ACACA: variants seen among roughly 807,000 people sequenced by gnomAD.
ACACA encodes acetyl-CoA carboxylase 1.
ACACA carries 103 observed loss-of-function variants against 296.1 expected under a neutral mutation model. That is an observed-to-expected ratio of 0.35 (90% CI 0.30 to 0.41). ACACA has a LOEUF of 0.41. Ranked by LOEUF, ACACA falls within the 10% of genes least tolerant of loss-of-function variation. The probability of loss-of-function intolerance (pLI) is 1.00; values close to 1 mark genes in which losing one functional copy is unlikely to be tolerated. For synonymous variants in ACACA, 953 were observed against 1,038.6 expected, an observed-to-expected ratio of 0.92 and a Z score of 1.58; for missense variants, 1,554 against 2,989.7, an observed-to-expected ratio of 0.52 and a Z score of 11.20.
chr17:37,220,523 C>T (rs935614166), intron 29 of ACACA, among the ~76,000 whole-genome samples: 3 of 152,174 alleles, frequency 2.0e-5, no homozygotes, highest in Non-Finnish European at 1.5e-5. Flanking sequence ...TACTTCGCCG[C>T]TCACTGAAGG....
At chr17:37,092,285 AAAAG>A (rs1482727510) in intron 54 of ACACA, among the ~76,000 whole-genome samples, 1 of 151,840 alleles carries the variant, frequency 6.6e-6, no homozygotes, top group Admixed American at 6.6e-5. Flanking sequence ...AAAAAAAAAA[AAAAG>A]AAAATGTGGC....
intron 1 of ACACA, chr17:37,359,077 CGGCTCGGGCGAT>C (rs2049282621): frequency 3.0e-6 from 3 of 985,874 alleles, no homozygotes; most frequent in Non-Finnish European, 3.6e-6. Context: ...GAGACGCCGG[CGGCTCGGGCGAT>C]GGCTGACAGG....
intron 2 of ACACA, among the ~76,000 whole-genome samples, chr17:37,337,167 A>T (rs1382991104): frequency 6.6e-6 from 1 of 152,210 alleles, no homozygotes; most frequent in African/African-American, 2.4e-5. Context: ...TAAAACAGTA[A>T]TTAACAAATT....
chr17:37,345,693 A>C (rs1192490488), intron 1 of ACACA, among the ~76,000 whole-genome samples: 4 of 152,236 alleles, frequency 2.6e-5, no homozygotes, highest in Non-Finnish European at 5.9e-5. Flanking sequence ...TTTTCCCAAA[A>C]AACCCATAAC....
At chr17:37,218,147 CAA>C (rs60487601) in intron 29 of ACACA, among the ~76,000 whole-genome samples, 2 of 116,626 alleles carry the variant, frequency 1.7e-5, no homozygotes. Context: ...CTACCAGTAA[CAA>C]AAAAAAAAAA....
At chr17:37,165,455 T>C (rs544604635) in intron 41 of ACACA, among the ~76,000 whole-genome samples, 2 of 152,092 alleles carry the variant, frequency 1.3e-5, no homozygotes, top group South Asian at 4.2e-4. Flanking sequence ...ATTAAGAAAA[T>C]AATACCCATG....
At chr17:37,126,399 G>A (rs1442577003) in intron 47 of ACACA, among the ~76,000 whole-genome samples, 1 of 152,068 alleles carries the variant, frequency 6.6e-6, no homozygotes, top group Non-Finnish European at 1.5e-5. Flanking sequence ...TTGACAGATA[G>A]TAAAAATACA....
rs566025842 is a variant in ACACA at position 37,345,937 on chromosome 17, G to C, written c.39-6087C>G. On this transcript the variant is annotated intron_variant, in intron 1 of 55. Coordinates refer to ENST00000616317, the MANE Select transcript of ACACA (RefSeq NM_198834.3). ...AAAAAAGAAAAGCTACAGAAGGCCAGCATGGTGGCTCATGCCTGTAATCTC... is the reference window on the plus strand; with the variant it reads ...AAAAAAGAAAAGCTACAGAAGGCCACCATGGTGGCTCATGCCTGTAATCTC... 2.0e-5 allele frequency among the ~76,000 whole-genome samples: 3 copies of C among 152,238 alleles called. No homozygotes were observed. In the East Asian group the frequency reaches 5.8e-4, roughly 29 times the overall value.
At chr17:37,367,336 G>C (rs2946342) in intron 1 of ACACA, among the ~76,000 whole-genome samples, 25,175 of 152,002 alleles carry the variant, frequency 0.17, 2,757 homozygotes, top group Admixed American at 0.33. Context: ...CATAGTTTTG[G>C]GGGTGAATAC....
At chr17:37,289,093 T>C (rs191102345) in intron 3 of ACACA, among the ~76,000 whole-genome samples, 6 of 151,590 alleles carry the variant, frequency 4.0e-5, no homozygotes, top group African/African-American at 1.5e-4. Flanking sequence ...TGAAACCCCG[T>C]CTCTACTAAA....
chr17:37,271,258 G>C (rs2082055268), intron 9 of ACACA, among the ~76,000 whole-genome samples: 1 of 152,234 alleles, frequency 6.6e-6, no homozygotes, highest in Admixed American at 6.5e-5. Context: ...GCTAACGCCT[G>C]TAATCACAGC....
chr17:37,300,529 T>A (rs537193231), intron 3 of ACACA, among the ~76,000 whole-genome samples: 1 of 152,094 alleles, frequency 6.6e-6, no homozygotes, highest in Non-Finnish European at 1.5e-5. Flanking sequence ...ATAGAAATAG[T>A]TAACAATCTG....
chr17:37,315,196 G>A (rs1022816895), intron 3 of ACACA, among the ~76,000 whole-genome samples: 10 of 152,044 alleles, frequency 6.6e-5, no homozygotes, highest in Non-Finnish European at 5.9e-5. Flanking sequence ...GACCTTAGGT[G>A]ATCCACCCGC....
intron 43 of ACACA, among the ~76,000 whole-genome samples, chr17:37,153,983 T>C (rs571215215): frequency 1.3e-5 from 2 of 152,318 alleles, no homozygotes; most frequent in South Asian, 4.1e-4. Context: ...TGAATCAAAA[T>C]CATTATGGAA....
chr17:37,345,639 T>C (rs951504930), intron 1 of ACACA, among the ~76,000 whole-genome samples: 2 of 152,154 alleles, frequency 1.3e-5, no homozygotes, highest in Non-Finnish European at 2.9e-5. Flanking sequence ...CATTAAAAAC[T>C]ACAGGGGTCG....
At chr17:37,375,821 C>T (rs1181086199) in intron 1 of ACACA, among the ~76,000 whole-genome samples, 3 of 152,176 alleles carry the variant, frequency 2.0e-5, no homozygotes, top group Non-Finnish European at 4.4e-5. Flanking sequence ...GCTCGAGAAA[C>T]CTCTAGGTAA....
At chr17:37,204,779 T>C (rs972792548) in intron 33 of ACACA, among the ~76,000 whole-genome samples, 6 of 152,196 alleles carry the variant, frequency 3.9e-5, no homozygotes, top group Admixed American at 3.3e-4. Flanking sequence ...TTTCACAAAA[T>C]AGCAAAGGCT....
chr17:37,261,006 G>A (rs1253350658), intron 11 of ACACA, among the ~76,000 whole-genome samples: 1 of 152,126 alleles, frequency 6.6e-6, no homozygotes, highest in Non-Finnish European at 1.5e-5. Flanking sequence ...TGAGATGCTA[G>A]CTTAGCAAAA....
At chr17:37,296,107 G>A (rs1381557036) in intron 3 of ACACA, among the ~76,000 whole-genome samples, 6 of 152,110 alleles carry the variant, frequency 3.9e-5, no homozygotes, top group East Asian at 1.9e-4. Context: ...TAAAGATGAT[G>A]AAGTTACAAA....
Sources: gnomAD v4.1 joint callset for allele counts (sites outside exome capture counted in the v4.1 genomes callset) on GRCh38, gnomAD v4.1.1 for gene constraint, MANE v1.5 for transcripts, NCBI Gene and HGNC (gene_info 2026-07-23, HGNC 2026-07-21) for gene names.